The following GRB10 variants were observed in gnomAD, a reference collection of about 807,000 sequenced individuals.
GRB10 encodes growth factor receptor bound protein 10, also known as growth factor receptor-bound protein 10.
A neutral mutation model predicts 80.9 loss-of-function variants in GRB10; 20 were observed. That is an observed-to-expected ratio of 0.25 (90% CI 0.17 to 0.36). The LOEUF (loss-of-function observed/expected upper bound fraction) is 0.36, where lower values mean the gene tolerates loss of function less well. Ranked by LOEUF, GRB10 falls within the 10% of genes least tolerant of loss-of-function variation. The pLI is 1.00. For missense variants in GRB10, 548 were observed against 747.7 expected, an observed-to-expected ratio of 0.73 and a Z score of 3.12; for synonymous variants, 291 against 291.5, an observed-to-expected ratio of 1.00 and a Z score of 0.02.
chr7:50,629,529 C>G (rs2053607009), intron 7 of GRB10, among the ~76,000 whole-genome samples: 1 of 152,174 alleles, frequency 6.6e-6, no homozygotes, highest in Admixed American at 6.5e-5. Context: ...TGACACAGCA[C>G]TCTCTGGTAC....
chr7:50,629,576 G>A (rs1213928685), intron 7 of GRB10, among the ~76,000 whole-genome samples: 1 of 152,072 alleles, frequency 6.6e-6, no homozygotes, highest in African/African-American at 2.4e-5. Context: ...CACACACAAA[G>A]CTAAGACCCA....
intron 3 of GRB10, among the ~76,000 whole-genome samples, chr7:50,749,328 C>T (rs2073719824): frequency 6.6e-6 from 1 of 151,948 alleles, no homozygotes; most frequent in South Asian, 2.1e-4. Context: ...AGGGTTTCAT[C>T]ATGTTGGCCA....
At chr7:50,621,480 C>T (rs1470182353) in intron 8 of GRB10, among the ~76,000 whole-genome samples, 3 of 152,206 alleles carry the variant, frequency 2.0e-5, no homozygotes, top group Non-Finnish European at 2.9e-5. Context: ...TCAGTGAACA[C>T]AACGTGGCAG....
chr7:50,739,412 T>TC (rs545000914), intron 3 of GRB10, among the ~76,000 whole-genome samples: 18 of 152,220 alleles, frequency 1.2e-4, no homozygotes, highest in African/African-American at 3.9e-4. Flanking sequence ...GCGTTTACCC[T>TC]CCCTTCTGAA....
intron 3 of GRB10, among the ~76,000 whole-genome samples, chr7:50,751,470 T>C (rs1303708086): frequency 6.6e-6 from 1 of 152,102 alleles, no homozygotes; most frequent in Non-Finnish European, 1.5e-5. Context: ...TCAAAATAAA[T>C]AGCCAGGGGC....
intron 13 of GRB10, among the ~76,000 whole-genome samples, chr7:50,609,891 G>A (rs1353311687): frequency 6.6e-6 from 1 of 152,208 alleles, no homozygotes; most frequent in Non-Finnish European, 1.5e-5. Flanking sequence ...GTAAAGCCAT[G>A]CCAGCTTTCT....
At chr7:50,596,453 A>G (rs2046669720) in intron 17 of GRB10, among the ~76,000 whole-genome samples, 1 of 152,250 alleles carries the variant, frequency 6.6e-6, no homozygotes, top group East Asian at 1.9e-4. Context: ...GGCACACTCT[A>G]CAAGAATTGG....
chr7:50,592,821 G>T lies in GRB10; in HGVS notation c.*131C>A. 9.6e-7 allele frequency: 1 copy of T among 1,044,164 alleles called. No homozygotes were observed. Among genetic ancestry groups the T allele is most frequent in the Non-Finnish European group, 1.5e-6 (1 of 676,684 alleles). The allele number at this position is 1,044,164 out of a possible 1,614,324, so 64.7% of individuals were successfully genotyped here. On this transcript the variant is annotated 3_prime_UTR_variant, in exon 19 of 19. Coordinates refer to ENST00000401949, the MANE Select transcript of GRB10 (RefSeq NM_001350814.2). ...ACAAACTAGTCAATCTTGGTCGGCT[G>T]GCACCGAACAAACCCATCTCGCTCT...
intron 7 of GRB10, among the ~76,000 whole-genome samples, chr7:50,648,109 G>A (rs2057479977): frequency 1.3e-5 from 2 of 152,134 alleles, no homozygotes. Context: ...ATGGAAAGCT[G>A]AGGGAATGGC....
At position 50,604,076 on chromosome 7, in the gene GRB10, C is replaced by T; in HGVS notation, c.1466G>A (p.Arg489Lys). The change falls in exon 17 of 19, where the codon AGG becomes AAG. Residue 489 changes from arginine to lysine, a missense_variant. Physicochemically the swap from Arg to Lys is conservative, Grantham distance 26. Around this residue, in one of 4 missense-constraint regions of GRB10, gnomAD observed 270 missense variants for 433.6 expected, o/e 0.62. Coordinates refer to ENST00000401949, the MANE Select transcript of GRB10 (RefSeq NM_001350814.2). ...HPSTLSTVIHRTQHWFHGRIS... is the reference protein window; with the variant it reads ...HPSTLSTVIHKTQHWFHGRIS... ...CCTCCCGTGAAACCAGTGCTGTGTCCTGTGAATCACTGTGGGGGGAAGACA... is the reference window on the plus strand; with the variant it reads ...CCTCCCGTGAAACCAGTGCTGTGTCTTGTGAATCACTGTGGGGGGAAGACA... 1.9e-6 allele frequency: 3 copies of T among 1,613,462 alleles called. No individual in the cohort carries two copies. Among genetic ancestry groups the T allele is most frequent in the Middle Eastern group, 1.6e-4 (1 of 6,062 alleles).
chr7:50,630,119 C>CT (rs2053734720), intron 7 of GRB10, among the ~76,000 whole-genome samples: 1 of 152,244 alleles, frequency 6.6e-6, no homozygotes, highest in Non-Finnish European at 1.5e-5. Context: ...AATTAGCAAT[C>CT]TAAGACTTGC....
chr7:50,761,378 G>C (rs918539664), intron 2 of GRB10, among the ~76,000 whole-genome samples: 1 of 152,166 alleles, frequency 6.6e-6, no homozygotes, highest in Non-Finnish European at 1.5e-5. Context: ...AAATCTACTA[G>C]AGTGAGCCTG....
intron 5 of GRB10, among the ~76,000 whole-genome samples, chr7:50,698,553 G>C (rs1314139151): frequency 6.6e-6 from 1 of 152,218 alleles, no homozygotes; most frequent in Non-Finnish European, 1.5e-5. Flanking sequence ...GAACAGTCAT[G>C]GTTCCTGTAA....
intron 3 of GRB10, among the ~76,000 whole-genome samples, chr7:50,738,250 T>C (rs1195543634): frequency 6.6e-6 from 1 of 152,192 alleles, no homozygotes; most frequent in Non-Finnish European, 1.5e-5. Context: ...TATGACCCAC[T>C]TCTAAGCATA....
In GRB10 at chr7:50,749,225, T is replaced by G. The variant is rs1292283540; in HGVS notation, c.-47+6662A>C. 4.7e-5 allele frequency among the ~76,000 whole-genome samples: 7 copies of G among 149,584 alleles called. No individual in the cohort carries two copies. In the Admixed American group the frequency reaches 4.8e-4, roughly 10 times the overall value. On this transcript the variant is annotated intron_variant, in intron 3 of 18. Coordinates refer to ENST00000401949, the MANE Select transcript of GRB10 (RefSeq NM_001350814.2). The stretch of plus-strand genomic sequence containing the variant: ...CTCACTGCAACCTCCACCTCCTAGG[T>G]TCAAGCGATTCTCCTGCCTCAGCCT...
At chr7:50,634,938 G>C (rs889570441) in intron 7 of GRB10, among the ~76,000 whole-genome samples, 2 of 152,200 alleles carry the variant, frequency 1.3e-5, no homozygotes, top group Non-Finnish European at 2.9e-5. Context: ...TACCATAATA[G>C]TGGGGGGCTA....
At chr7:50,643,789 G>A (rs566739115) in intron 7 of GRB10, among the ~76,000 whole-genome samples, 5 of 152,240 alleles carry the variant, frequency 3.3e-5, no homozygotes, top group African/African-American at 1.2e-4. Context: ...GTGCATATAT[G>A]TATCTCTATA....
intron 13 of GRB10, among the ~76,000 whole-genome samples, 183 bp downstream of exon 13, chr7:50,612,558 C>T (rs1325453256): frequency 2.0e-5 from 3 of 152,092 alleles, no homozygotes; most frequent in Admixed American, 2.0e-4. Context: ...AATATTAGGC[C>T]CTCTGTTAAA....
At chr7:50,768,152 T>C (rs376173079) in intron 2 of GRB10, among the ~76,000 whole-genome samples, 2 of 152,322 alleles carry the variant, frequency 1.3e-5, no homozygotes, top group East Asian at 1.9e-4. Context: ...TGCAGCCACC[T>C]AGACACAGCC....
Sources: allele counts gnomAD v4.1 joint callset (sites outside exome capture counted in the v4.1 genomes callset), GRCh38; gene constraint gnomAD v4.1.1; regional missense constraint gnomAD v4.1.1; transcripts MANE v1.5; gene names NCBI Gene and HGNC (gene_info 2026-07-23, HGNC 2026-07-21).